The following GLIS3 variants were observed in gnomAD, a reference collection of about 807,000 sequenced individuals.
GLIS3 encodes the protein zinc finger protein GLIS3.
In GLIS3, 53 loss-of-function variants were observed where a neutral mutation model predicts 78.6. That is an observed-to-expected ratio of 0.67 (90% CI 0.54 to 0.85). The LOEUF is 0.85. GLIS3 is among the 40% of genes least tolerant of loss of function. The pLI, the probability that GLIS3 is intolerant of heterozygous loss-of-function variation, is 0.00. For missense variants in GLIS3, 1,703 were observed against 1,231.1 expected (o/e 1.38, Z -5.74); for synonymous variants, 684 against 509.9 (o/e 1.34, Z -4.60).
chr9:4,182,764 G>A (rs137927626), intron 2 of GLIS3, among the ~76,000 whole-genome samples: 52 of 152,246 alleles, frequency 3.4e-4, no homozygotes, highest in African/African-American at 1.2e-3. Context: ...TCTTGAAAAC[G>A]CAATAGTAAT....
chr9:4,088,230 CTTAATTTAAT>C (rs1030704721), intron 4 of GLIS3, among the ~76,000 whole-genome samples: 4 of 152,220 alleles, frequency 2.6e-5, no homozygotes, highest in Admixed American at 2.6e-4. Context: ...ACCTGCCACA[CTTAATTTAAT>C]TTACCGACCT....
Position 4,192,650 on chromosome 9 carries a change from T to C in GLIS3, c.389-66709A>G, listed in dbSNP as rs188670884. Among the ~76,000 whole-genome samples, 422 of 152,292 alleles carry C rather than the reference T, an allele frequency of 2.8e-3. 1 individual carries two copies. The highest frequency in any genetic ancestry group is 4.1e-3 in the Non-Finnish European group (276 of 68,036). ...ATTCATGCATGCATGCATGTATACA[T>C]GCATTCAGCAAATATTTATGAAGAG... On this transcript the variant is annotated intron_variant, in intron 2 of 10. Coordinates refer to ENST00000381971, the MANE Select transcript of GLIS3 (RefSeq NM_001042413.2).
At chr9:4,306,885 G>T (rs1262339817) in intron 4 of GLIS3, among the ~76,000 whole-genome samples, 1 of 152,226 alleles carries the variant, frequency 6.6e-6, no homozygotes, top group African/African-American at 2.4e-5. Context: ...ATTCTAGACT[G>T]AATTTAGGGC....
intron 2 of GLIS3, among the ~76,000 whole-genome samples, chr9:4,142,317 T>C (rs890021310): frequency 1.3e-5 from 2 of 152,206 alleles, no homozygotes; most frequent in Non-Finnish European, 2.9e-5. Flanking sequence ...ATTCCCTGAA[T>C]AATATACAAA....
intron 2 of GLIS3, among the ~76,000 whole-genome samples, chr9:4,259,352 C>A (rs1825290676): frequency 6.6e-6 from 1 of 152,170 alleles, no homozygotes; most frequent in South Asian, 2.1e-4. Flanking sequence ...CTTCCACCTT[C>A]CCCTTTACAT....
intron 3 of GLIS3, among the ~76,000 whole-genome samples, chr9:4,123,140 A>G (rs1832313879): frequency 6.6e-6 from 1 of 152,196 alleles, no homozygotes; most frequent in Non-Finnish European, 1.5e-5. Flanking sequence ...AAATCTATGA[A>G]ACTTCATAGA....
chr9:4,212,263 G>T (rs1820442241), intron 2 of GLIS3, among the ~76,000 whole-genome samples: 1 of 152,194 alleles, frequency 6.6e-6, no homozygotes, highest in Non-Finnish European at 1.5e-5. Flanking sequence ...CAATGGCTGA[G>T]TTCTAGGTGC....
the GLIS3 span, among the ~76,000 whole-genome samples, chr9:4,367,035 T>G: frequency 6.6e-6 from 1 of 152,250 alleles, no homozygotes; most frequent in Non-Finnish European, 1.5e-5. Context: ...TCAGCCTATT[T>G]GAATAGCAGC....
At chr9:4,217,392 C>T (rs949127131) in intron 2 of GLIS3, among the ~76,000 whole-genome samples, 3 of 152,098 alleles carry the variant, frequency 2.0e-5, no homozygotes, top group African/African-American at 7.2e-5. Flanking sequence ...AGCCTCTCAC[C>T]CTAAGGGCAG....
At chr9:4,107,820 C>A (rs893382148) in intron 4 of GLIS3, among the ~76,000 whole-genome samples, 1 of 150,132 alleles carries the variant, frequency 6.7e-6, no homozygotes, top group Non-Finnish European at 1.5e-5. Context: ...TCTTTTCTTT[C>A]CTATGAATTC....
intron 6 of GLIS3, among the ~76,000 whole-genome samples, chr9:3,925,602 C>CGT (rs1489857081): frequency 7.5e-5 from 11 of 145,702 alleles, no homozygotes; most frequent in South Asian, 6.7e-4. Context: ...TGTGCGTGTG[C>CGT]GCGCGTGTGT....
chr9:3,846,844 C>A (rs139104568), intron 9 of GLIS3, among the ~76,000 whole-genome samples: 1 of 152,234 alleles, frequency 6.6e-6, no homozygotes, highest in East Asian at 1.9e-4. Flanking sequence ...CATCCTATTT[C>A]CTCTGGGAAG....
At chr9:4,484,219 C>G in the GLIS3 span, among the ~76,000 whole-genome samples, 2 of 151,538 alleles carry the variant, frequency 1.3e-5, no homozygotes, top group Admixed American at 1.3e-4. Flanking sequence ...GGGCATAAGC[C>G]AAACTAACTT....
chr9:4,375,473 C>T, the GLIS3 span, among the ~76,000 whole-genome samples: 4 of 152,172 alleles, frequency 2.6e-5, no homozygotes, highest in Non-Finnish European at 4.4e-5. Flanking sequence ...TGTGTTTGTG[C>T]TACATTGAAG....
the GLIS3 span, among the ~76,000 whole-genome samples, chr9:4,400,296 G>A: frequency 2.0e-5 from 3 of 152,226 alleles, no homozygotes; most frequent in Non-Finnish European, 2.9e-5. Context: ...ATACGGACAA[G>A]AAATGATGGT....
intron 7 of GLIS3, among the ~76,000 whole-genome samples, chr9:3,886,479 T>TCAACA (rs1822080853): frequency 6.6e-6 from 1 of 152,228 alleles, no homozygotes. Context: ...TACTAAAATG[T>TCAACA]CAACACAATT....
At chr9:4,376,099 T>C in the GLIS3 span, among the ~76,000 whole-genome samples, 4 of 151,978 alleles carry the variant, frequency 2.6e-5, no homozygotes, top group Admixed American at 6.6e-5. Flanking sequence ...TTCAGAACAG[T>C]TGGGTTAGCA....
intron 2 of GLIS3, among the ~76,000 whole-genome samples, chr9:4,143,582 C>CA (rs934665399): frequency 2.0e-4 from 30 of 150,742 alleles, no homozygotes; most frequent in African/African-American, 3.6e-4. Flanking sequence ...AAAATAAAAA[C>CA]AAAAAAAAAC....
chr9:3,958,496 A>C (rs1372457944), intron 4 of GLIS3, among the ~76,000 whole-genome samples: 1 of 152,176 alleles, frequency 6.6e-6, no homozygotes, highest in African/African-American at 2.4e-5. Context: ...AAATCTCCGC[A>C]TTCTCCCCAC....
Sources: gnomAD v4.1 joint callset for allele counts (sites outside exome capture counted in the v4.1 genomes callset) on GRCh38, gnomAD v4.1.1 for gene constraint, MANE v1.5 for transcripts, NCBI Gene and HGNC (gene_info 2026-07-23, HGNC 2026-07-21) for gene names.